Variants in MCM5 observed in about 807,000 individuals in gnomAD.
MCM5 encodes the protein minichromosome maintenance complex component 5, also known as DNA replication licensing factor MCM5.
A neutral mutation model predicts 79.9 loss-of-function variants in MCM5; 46 were observed. The ratio of observed to expected loss-of-function variants is 0.58; its 90% CI spans 0.45 to 0.74. MCM5 has a LOEUF of 0.74. Among genes scored for constraint, MCM5 ranks in the 30% least tolerant of loss-of-function variants. MCM5 has a pLI of 0.00. For synonymous variants in MCM5, 404 were observed against 390.5 expected, an observed-to-expected ratio of 1.03 and a Z score of -0.41; for missense variants, 883 against 1,017.0, an observed-to-expected ratio of 0.87 and a Z score of 1.79.
At chr22:35,433,413 A>G in the MCM5 span, among the ~76,000 whole-genome samples, 1 of 152,176 alleles carries the variant, frequency 6.6e-6, no homozygotes, top group Non-Finnish European at 1.5e-5. Flanking sequence ...ACCACAGCTC[A>G]GAGAGGGCAT....
intron 2 of MCM5, chr22:35,401,685 G>A (rs1442847020): frequency 2.1e-6 from 1 of 471,144 alleles, no homozygotes; most frequent in East Asian, 6.9e-5. Flanking sequence ...TTGCCCACCT[G>A]TGTGCCAGGC....
intron 15 of MCM5, chr22:35,421,918 C>A: frequency 3.6e-6 from 1 of 277,142 alleles, no homozygotes; most frequent in Non-Finnish European, 7.1e-6. Context: ...ATCACAGTCG[C>A]TTGGCTGGAA....
intron 7 of MCM5, among the ~76,000 whole-genome samples, chr22:35,411,996 C>T (rs1402071629): frequency 6.6e-6 from 1 of 152,084 alleles, no homozygotes; most frequent in Non-Finnish European, 1.5e-5. Context: ...TTTCTCTCAT[C>T]CCCCACATCT....
chr22:35,443,976 T>C, the MCM5 span, among the ~76,000 whole-genome samples: 1 of 152,194 alleles, frequency 6.6e-6, no homozygotes, highest in African/African-American at 2.4e-5. Flanking sequence ...CTCAGTTTCC[T>C]TATCTGTAAA....
chr22:35,449,419 C>A, the MCM5 span, among the ~76,000 whole-genome samples: 1 of 152,178 alleles, frequency 6.6e-6, no homozygotes. Flanking sequence ...GCCATGGCCT[C>A]TCTGTCCCTG....
At chr22:35,428,750 C>T (rs1430061420), downstream of MCM5, among the ~76,000 whole-genome samples, 1 of 152,046 alleles carries the variant, frequency 6.6e-6, no homozygotes, top group Non-Finnish European at 1.5e-5. Flanking sequence ...CCGGCTCCTA[C>T]TCAGGGCTCA....
the MCM5 span, among the ~76,000 whole-genome samples, chr22:35,434,485 C>T: frequency 7.2e-5 from 11 of 152,158 alleles, no homozygotes; most frequent in Admixed American, 3.9e-4. Flanking sequence ...TTGGGCCAGT[C>T]ATTATCTCCT....
the MCM5 span, among the ~76,000 whole-genome samples, chr22:35,449,618 T>A: frequency 6.0e-5 from 9 of 150,802 alleles, no homozygotes; most frequent in Non-Finnish European, 8.9e-5. Context: ...GCCGTGGTCT[T>A]TCTGCCCCTG....
chr22:35,422,211 A>C (rs1932715338), intron 15 of MCM5: 1 of 153,956 alleles, frequency 6.5e-6, no homozygotes, highest in African/African-American at 2.4e-5. Context: ...AGAGAAACAA[A>C]TGCAGGTAGT....
the MCM5 span, among the ~76,000 whole-genome samples, chr22:35,444,597 G>A: frequency 5.9e-5 from 9 of 152,186 alleles, no homozygotes; most frequent in Non-Finnish European, 2.9e-5. Flanking sequence ...GTCTGTGTGC[G>A]TGGTGGGCAG....
chr22:35,449,189 C>A, the MCM5 span, among the ~76,000 whole-genome samples: 1 of 152,170 alleles, frequency 6.6e-6, no homozygotes, highest in African/African-American at 2.4e-5. Flanking sequence ...CAGGGCTGGT[C>A]AGGGTTGGCT....
chr22:35,454,503 G>A, the MCM5 span, among the ~76,000 whole-genome samples: 24 of 152,254 alleles, frequency 1.6e-4, 1 homozygote, highest in African/African-American at 5.3e-4. Context: ...ATCGGCAAGA[G>A]GTTCCTGTGA....
In MCM5 at chr22:35,424,484, G is replaced by A. The variant is rs566738404; in HGVS notation, c.*229G>A. 1.3e-5 allele frequency: 6 copies of A among 473,182 alleles called. No homozygotes were observed. The highest frequency in any genetic ancestry group is 8.1e-5 in the African/African-American group (4 of 49,568). The allele number at this position is 473,182 out of a possible 1,614,324, so 29.3% of individuals were successfully genotyped here. ...GCTTTTGGCATCCGTTAATAATAAA[G>A]CCACGGTGTGTTCAGGTATCTGTGG... On this transcript the variant is annotated 3_prime_UTR_variant, in exon 17 of 17. Coordinates refer to ENST00000216122, the MANE Select transcript of MCM5 (RefSeq NM_006739.4).
At chr22:35,421,222 TA>T in intron 14 of MCM5, 95 bp from the exon 15 acceptor site, 1 of 1,361,654 alleles carries the variant, frequency 7.3e-7, no homozygotes, top group Non-Finnish European at 1.0e-6. Context: ...ACCACAGTCT[TA>T]CCACTTTGGG....
rs1307170533 is a variant in MCM5, at chr22:35,412,608, G to A, written c.1018G>A (p.Ala340Thr). 13 of 1,583,692 alleles carry A rather than the reference G, an allele frequency of 8.2e-6. No individual in the cohort carries two copies. Among genetic ancestry groups the A allele is most frequent in the African/African-American group, 2.7e-5 (2 of 73,652 alleles). ...CTATGAGGTCATCTCCAAGAGCATC[G>A]CCCCCTCCATCTTTGGGGGCACAGA... is the stretch of plus-strand genomic sequence containing the variant. ...NVYEVISKSI[A>T]PSIFGGTDMK... Residue 340 changes from alanine to threonine, a missense_variant, in exon 8 of 17, where the codon GCC (alanine) becomes ACC (threonine). Physicochemically the swap from Ala to Thr is moderately conservative, Grantham distance 58. Transcript: ENST00000216122.
chr22:35,430,502 CTTTT>C, the MCM5 span, among the ~76,000 whole-genome samples: 2 of 138,744 alleles, frequency 1.4e-5, no homozygotes, highest in Admixed American at 7.1e-5. Flanking sequence ...CCAGTGGGGA[CTTTT>C]TTTTTTTTTT....
the MCM5 span, among the ~76,000 whole-genome samples, chr22:35,445,222 G>C: frequency 1.3e-5 from 2 of 152,086 alleles, no homozygotes; most frequent in South Asian, 4.1e-4. Context: ...ACACACCTGA[G>C]GGCAGCTGCT....
At chr22:35,429,117 C>T (rs1932796902), downstream of MCM5, among the ~76,000 whole-genome samples, 1 of 151,654 alleles carries the variant, frequency 6.6e-6, no homozygotes, top group Admixed American at 6.6e-5. Context: ...TCCCAAGTAG[C>T]TGGGATTACA....
intron 15 of MCM5, chr22:35,421,771 G>A: frequency 2.4e-6 from 1 of 415,164 alleles, no homozygotes; most frequent in Non-Finnish European, 4.5e-6. Flanking sequence ...GAGCTTGTCA[G>A]CATTTTCAGT....
Sources: gnomAD v4.1 joint callset for allele counts (sites outside exome capture counted in the v4.1 genomes callset) on GRCh38, gnomAD v4.1.1 for gene constraint, MANE v1.5 for transcripts, NCBI Gene and HGNC (gene_info 2026-07-23, HGNC 2026-07-21) for gene names.